Variants in ABCA12 observed in about 807,000 individuals in gnomAD.
ABCA12 encodes the protein ATP binding cassette subfamily A member 12.
ABCA12 carries 156 observed loss-of-function variants against 293.5 expected under a neutral mutation model. The observed-to-expected ratio is 0.53, with a 90% CI of 0.47 to 0.61. The LOEUF is 0.61. Among genes scored for constraint, ABCA12 ranks in the 20% least tolerant of loss-of-function variants. ABCA12 has a pLI of 0.00. For missense variants in ABCA12, 2,797 were observed against 3,090.2 expected (o/e 0.91, Z 2.25); for synonymous variants, 1,063 against 1,108.0 (o/e 0.96, Z 0.81).
rs1223615946 is a variant in ABCA12 at position 215,134,453 on chromosome 2, T to C, written c.69+3687A>G. Among the ~76,000 whole-genome samples, 92 of 142,796 alleles carry C rather than the reference T, an allele frequency of 6.4e-4. 3 individuals are homozygous for C. The highest frequency in any genetic ancestry group is 8.3e-4 in the African/African-American group (32 of 38,546). 93.7% of individuals were successfully genotyped at this position (142,796 alleles called of 152,430 possible). On this transcript the variant is annotated intron_variant, in intron 1 of 52. Transcript: ENST00000272895. ...ATATGTGTATATATACGTATATATGTACATATATGCATATGTGTATGTGTA... is the reference window on the plus strand; with the variant it reads ...ATATGTGTATATATACGTATATATGCACATATATGCATATGTGTATGTGTA...
Position 214,942,997 on chromosome 2 carries a change from A to G in ABCA12, c.7364T>C (p.Leu2455Pro). The G allele has an allele frequency of 6.2e-7, 1 of 1,613,390 alleles. No homozygotes were observed. Among genetic ancestry groups the G allele is most frequent in the Non-Finnish European group, 8.5e-7 (1 of 1,179,778 alleles). The change falls in exon 50 of 53, where the codon CTC becomes CCC. Residue 2455 changes from leucine to proline, a missense_variant. Transcript: ENST00000272895. ...CACCATAATGGCCAACCTGGTACAG[A>G]GAGCTTCACATTCTTCCATGCTAAA... The part of the protein sequence containing the change: ...TSHSMEECEA[L>P]CTRLAIMVNG...
At chr2:214,967,646 G>C (rs748065565) in intron 38 of ABCA12, among the ~76,000 whole-genome samples, 3 of 152,040 alleles carry the variant, frequency 2.0e-5, no homozygotes, top group Non-Finnish European at 4.4e-5. Flanking sequence ...AGAAAGAAAA[G>C]GAAAGCACTG....
At chr2:215,135,429 G>A (rs933656095) in intron 1 of ABCA12, among the ~76,000 whole-genome samples, 14 of 152,166 alleles carry the variant, frequency 9.2e-5, no homozygotes, top group African/African-American at 3.1e-4. Flanking sequence ...CTTGCTTTGT[G>A]ATGGAATTTC....
intron 5 of ABCA12, among the ~76,000 whole-genome samples, chr2:215,050,532 T>C (rs1701299538): frequency 6.6e-6 from 1 of 152,140 alleles, no homozygotes; most frequent in Non-Finnish European, 1.5e-5. Context: ...TTAAGTTGTT[T>C]AGATATTTAC....
rs529778556 is a variant in ABCA12 at position 214,974,078 on chromosome 2, T to G, written c.5469-36A>C. 134 of 1,551,106 alleles carry G rather than the reference T, an allele frequency of 8.6e-5. 1 individual carries two copies. In the South Asian group the frequency reaches 1.4e-3, roughly 16 times the overall value. ...AAATGATATTGCTGTGAGGTGTGTA[T>G]GTATATGTGTTCTCATGTTTACATA... is the stretch of plus-strand genomic sequence containing the variant. On this transcript the variant is annotated intron_variant, in intron 35 of 52. Transcript: ENST00000272895.
rs779593723 is a variant in ABCA12 at position 214,953,846 on chromosome 2, A to G, written c.6647+8T>C. 1.2e-6 allele frequency: 2 copies of G among 1,612,996 alleles called. No individual in the cohort carries two copies. Among genetic ancestry groups the G allele is most frequent in the Non-Finnish European group, 8.5e-7 (1 of 1,179,374 alleles). On this transcript the variant is annotated splice_region_variant and intron_variant, in intron 44 of 52. Coordinates refer to ENST00000272895, the MANE Select transcript of ABCA12 (RefSeq NM_173076.3). ...AGATGTCAAACGTTATGTTTTCATT[A>G]TATTTACCTGAGTTTCTTTATCAGG... is the stretch of plus-strand genomic sequence containing the variant.
rs147869650 is a variant in ABCA12 at position 215,010,368 on chromosome 2, G to A, written c.2435C>T (p.Ala812Val). The A allele has an allele frequency of 1.2e-6, 2 of 1,613,682 alleles. No individual in the cohort carries two copies. The highest frequency in any genetic ancestry group is 1.3e-5 in the African/African-American group (1 of 74,898). The part of the protein sequence containing the change: ...KPMLLGRILY[A>V]PYNPVTKAIM... Reference sequence around the variant, plus strand: ...TGCCTTTGTGACTGGGTTATATGGTGCATACAAAATTCTTCCCAACAACAT... The same window carrying A: ...TGCCTTTGTGACTGGGTTATATGGTACATACAAAATTCTTCCCAACAACAT... Residue 812 changes from alanine (A) to valine (V), a missense_variant, in exon 18 of 53, where the codon GCA becomes GTA. Ala to Val is a moderately conservative substitution (Grantham distance 64, BLOSUM62 0). Around this residue, in one of 3 missense-constraint regions of ABCA12, gnomAD observed 2,130 missense variants for 2,427.0 expected, o/e 0.88. Coordinates refer to ENST00000272895, the MANE Select transcript of ABCA12 (RefSeq NM_173076.3).
intron 45 of ABCA12, among the ~76,000 whole-genome samples, chr2:214,949,374 A>G (rs1031580307): frequency 7.0e-6 from 1 of 142,148 alleles, no homozygotes; most frequent in Non-Finnish European, 1.5e-5. Context: ...ATATATATAT[A>G]TATACACACA....
intron 3 of ABCA12, among the ~76,000 whole-genome samples, 186 bp from the exon 4 acceptor site, chr2:215,054,850 A>G (rs1055214267): frequency 6.6e-6 from 1 of 152,074 alleles, no homozygotes; most frequent in African/African-American, 2.4e-5. Context: ...TACAAAGTAT[A>G]TTTTTATTCA....
At chr2:215,076,840 C>T (rs1701844609) in intron 2 of ABCA12, among the ~76,000 whole-genome samples, 1 of 152,104 alleles carries the variant, frequency 6.6e-6, no homozygotes, top group South Asian at 2.1e-4. Flanking sequence ...CAGTGCTGAG[C>T]AAAACATAAT....
intron 2 of ABCA12, among the ~76,000 whole-genome samples, chr2:215,101,528 T>C (rs1702356878): frequency 6.6e-6 from 1 of 152,122 alleles, no homozygotes; most frequent in South Asian, 2.1e-4. Context: ...ATCCCCAAAA[T>C]AGAGAAAAGA....
chr2:215,043,718 C>T (rs569920982), intron 7 of ABCA12, among the ~76,000 whole-genome samples: 36 of 152,032 alleles, frequency 2.4e-4, no homozygotes, highest in Non-Finnish European at 4.3e-4. Context: ...TATAAACTTA[C>T]GGGGTACAAA....
chr2:215,131,687 T>C (rs1703058278), intron 1 of ABCA12, among the ~76,000 whole-genome samples: 1 of 142,258 alleles, frequency 7.0e-6, no homozygotes, highest in Admixed American at 7.3e-5. Context: ...TTTTCATTCA[T>C]TGATCCTTTC....
At chr2:215,066,354 A>G (rs926114277) in intron 2 of ABCA12, among the ~76,000 whole-genome samples, 1 of 152,092 alleles carries the variant, frequency 6.6e-6, no homozygotes, top group Non-Finnish European at 1.5e-5. Context: ...CCTCTGCTCT[A>G]TGCCACTTAT....
chr2:214,995,264 G>A (rs1329863083), intron 23 of ABCA12, among the ~76,000 whole-genome samples: 1 of 152,190 alleles, frequency 6.6e-6, no homozygotes, highest in African/African-American at 2.4e-5. Flanking sequence ...ACGAAAAGGG[G>A]AGAATATTGA....
intron 2 of ABCA12, among the ~76,000 whole-genome samples, chr2:215,072,314 A>G (rs577452377): frequency 6.6e-6 from 1 of 152,256 alleles, no homozygotes; most frequent in African/African-American, 2.4e-5. Flanking sequence ...GATAGGACAT[A>G]GGGACATTTT....
chr2:215,055,545 T>G (rs112305439), intron 3 of ABCA12, among the ~76,000 whole-genome samples: 3,703 of 152,120 alleles, frequency 0.024, 167 homozygotes, highest in African/African-American at 0.084. Context: ...GTTGGTGTAT[T>G]TTATGTAGTT....
At chr2:215,084,919 C>G (rs1307738114) in intron 2 of ABCA12, among the ~76,000 whole-genome samples, 1 of 151,698 alleles carries the variant, frequency 6.6e-6, no homozygotes, top group Non-Finnish European at 1.5e-5. Flanking sequence ...CATGGTGAAA[C>G]CCCGTCTCTA....
At position 215,014,625 on chromosome 2, in the gene ABCA12, AG is replaced by A. The variant is rs558168364; in HGVS notation, c.1956+864del. Among the ~76,000 whole-genome samples, 1,404 of 152,236 alleles carry A rather than the reference AG, an allele frequency of 9.2e-3. 19 individuals are homozygous for A. Among genetic ancestry groups the A allele is most frequent in the African/African-American group, 0.031 (1,304 of 41,554 alleles). ...TCAGGCTGCTTGCAAGGTGCTAGGGAGAGGGGTAGAGGGTAGGTGTGGAAGC... is the reference window on the plus strand; with the variant it reads ...TCAGGCTGCTTGCAAGGTGCTAGGGAAGGGGTAGAGGGTAGGTGTGGAAGC... On this transcript the variant is annotated intron_variant, in intron 15 of 52. Transcript: ENST00000272895.
Sources: gnomAD v4.1 joint callset for allele counts (sites outside exome capture counted in the v4.1 genomes callset) on GRCh38, gnomAD v4.1.1 for gene constraint, gnomAD v4.1.1 regional missense constraint, MANE v1.5 for transcripts, NCBI Gene and HGNC (gene_info 2026-07-23, HGNC 2026-07-21) for gene names.